The following RUNDC3B variants were observed in gnomAD, a reference collection of about 807,000 sequenced individuals.
RUNDC3B encodes the protein RUN domain containing 3B, also known as RUN domain-containing protein 3B.
In RUNDC3B, 33 loss-of-function variants were observed where a neutral mutation model predicts 58.4. The ratio of observed to expected loss-of-function variants is 0.56; its 90% CI spans 0.43 to 0.75. RUNDC3B has a LOEUF of 0.75. RUNDC3B is among the 30% of genes least tolerant of loss of function. The pLI is 0.00. For synonymous variants in RUNDC3B, 193 were observed against 195.2 expected, an observed-to-expected ratio of 0.99 and a Z score of 0.10; for missense variants, 501 against 535.7, an observed-to-expected ratio of 0.94 and a Z score of 0.64.
At chr7:87,686,152 A>AT (rs1554465510) in intron 2 of RUNDC3B, among the ~76,000 whole-genome samples, 1 of 151,674 alleles carries the variant, frequency 6.6e-6, no homozygotes, top group African/African-American at 2.4e-5. Flanking sequence ...TCCACCCACA[A>AT]TTTTTTTTCT....
chr7:87,780,334 T>C (rs1394580729), intron 8 of RUNDC3B, among the ~76,000 whole-genome samples: 1 of 152,138 alleles, frequency 6.6e-6, no homozygotes, highest in East Asian at 1.9e-4. Flanking sequence ...GGTGTCAGAA[T>C]GGTTTTGATT....
At position 87,710,602 on chromosome 7, in the gene RUNDC3B, A is replaced by G; in HGVS notation, c.405A>G (p.Glu135=). ...CCTGGATCAGAGTAGCACTCATGGA[A>G]AAACATTTATCTGAATACATCTCTA... ...GRAWIRVALM[E]KHLSEYISTA... The change falls in exon 4 of 11, where the codon GAA becomes GAG. Residue 135 remains glutamate, a synonymous_variant. Transcript: ENST00000394654. 6.2e-7 allele frequency: 1 copy of G among 1,602,938 alleles called. No individual in the cohort carries two copies. The highest frequency in any genetic ancestry group is 8.5e-7 in the Non-Finnish European group (1 of 1,172,898).
intron 8 of RUNDC3B, among the ~76,000 whole-genome samples, chr7:87,779,070 C>T (rs867553466): frequency 2.4e-4 from 37 of 152,150 alleles, no homozygotes; most frequent in African/African-American, 8.4e-4. Context: ...CATTATGGTC[C>T]TTCATTTCTT....
At chr7:87,660,861 G>C (rs1824632162) in intron 2 of RUNDC3B, among the ~76,000 whole-genome samples, 1 of 151,794 alleles carries the variant, frequency 6.6e-6, no homozygotes, top group African/African-American at 2.4e-5. Flanking sequence ...CTGAAAATAG[G>C]AGATTTTACC....
intron 4 of RUNDC3B, among the ~76,000 whole-genome samples, chr7:87,739,509 A>G (rs1832185853): frequency 6.6e-6 from 1 of 152,046 alleles, no homozygotes; most frequent in African/African-American, 2.4e-5. Context: ...ACCCATTGAA[A>G]GACTCACTTG....
rs760397172 is a variant in RUNDC3B, at chr7:87,628,580, CGTGCGTGT to C, written c.-240_-233del. 84 of 292,790 alleles carry C rather than the reference CGTGCGTGT, an allele frequency of 2.9e-4. No homozygotes were observed. The highest frequency in any genetic ancestry group is 8.5e-4 in the Admixed American group (13 of 15,348). 18.1% of individuals were successfully genotyped at this position (292,790 alleles called of 1,614,324 possible). ...GCGCCGAGGGCGGAGGTGGTGCGTG[CGTGCGTGT>C]GTGTGTGTGTGTGTGTGTGTGTGTG... On this transcript the variant is annotated 5_prime_UTR_variant, in exon 1 of 11. Coordinates refer to ENST00000394654, the MANE Select transcript of RUNDC3B (RefSeq NM_001134405.2).
intron 8 of RUNDC3B, among the ~76,000 whole-genome samples, chr7:87,794,569 A>T (rs1033115496): frequency 2.6e-5 from 4 of 152,228 alleles, no homozygotes; most frequent in Admixed American, 2.6e-4. Context: ...TACCCAAAGA[A>T]ATCTACAGAT....
intron 8 of RUNDC3B, among the ~76,000 whole-genome samples, 196 bp from the exon 9 acceptor site, chr7:87,807,177 G>GA (rs1165700423): frequency 4.0e-5 from 6 of 151,724 alleles, no homozygotes; most frequent in Admixed American, 3.9e-4. Flanking sequence ...GTAACCAGCG[G>GA]AAAAAAAATG....
chr7:87,828,515 C>T (rs1348857272), intron 10 of RUNDC3B, among the ~76,000 whole-genome samples: 1 of 152,146 alleles, frequency 6.6e-6, no homozygotes, highest in East Asian at 1.9e-4. Context: ...AAGATAATGG[C>T]CTCTAGTTTC....
At position 87,803,697 on chromosome 7, in the gene RUNDC3B, T is replaced by A. The variant is rs1471557092; in HGVS notation, c.957-3676T>A. 1.3e-5 allele frequency among the ~76,000 whole-genome samples: 2 copies of A among 152,198 alleles called. 1 individual carries two copies. The highest frequency in any genetic ancestry group is 1.3e-4 in the Admixed American group (2 of 15,282). On this transcript the variant is annotated intron_variant, in intron 8 of 10. Coordinates refer to ENST00000394654, the MANE Select transcript of RUNDC3B (RefSeq NM_001134405.2). ...TTTTAGATGATTGCTTCTTCACGTA[T>A]TTTAAGTGTGTCCTCCACTGCCTAC...
chr7:87,694,143 A>T, intron 2 of RUNDC3B: 1 of 588,420 alleles, frequency 1.7e-6, no homozygotes, highest in Non-Finnish European at 2.1e-6. Flanking sequence ...GCTTATGCTA[A>T]TTTTAAAATT....
intron 4 of RUNDC3B, among the ~76,000 whole-genome samples, chr7:87,717,924 G>T (rs1210212102): frequency 6.6e-6 from 1 of 152,028 alleles, no homozygotes; most frequent in African/African-American, 2.4e-5. Flanking sequence ...TATTAATATT[G>T]ATTGAAATGT....
At chr7:87,709,439 T>C in intron 3 of RUNDC3B, 2 of 985,344 alleles carry the variant, frequency 2.0e-6, no homozygotes, top group African/African-American at 1.7e-5. Context: ...TAACTGCAGG[T>C]TCCCCTAGGC....
At chr7:87,714,235 A>G (rs999872978) in intron 4 of RUNDC3B, among the ~76,000 whole-genome samples, 3 of 152,170 alleles carry the variant, frequency 2.0e-5, no homozygotes, top group Admixed American at 1.3e-4. Context: ...AGGTTGAGAA[A>G]TAATAGACAC....
rs549062637 is a variant in RUNDC3B at position 87,789,583 on chromosome 7, T to A, written c.956+11628T>A. 5.8e-4 allele frequency among the ~76,000 whole-genome samples: 89 copies of A among 152,324 alleles called. No individual in the cohort carries two copies. In the Middle Eastern group the frequency reaches 0.01, roughly 17 times the overall value. On this transcript the variant is annotated intron_variant, in intron 8 of 10. Coordinates refer to ENST00000394654, the MANE Select transcript of RUNDC3B (RefSeq NM_001134405.2). ...GTCATGTATACATTTTGGCAGGTAA[T>A]AATTCTAATTAAAATTTAAAATTAA...
At chr7:87,734,996 T>C (rs1404269750) in intron 4 of RUNDC3B, among the ~76,000 whole-genome samples, 2 of 152,210 alleles carry the variant, frequency 1.3e-5, no homozygotes, top group Non-Finnish European at 2.9e-5. Flanking sequence ...CATTTTTCTC[T>C]GTATTCTCTC....
intron 2 of RUNDC3B, among the ~76,000 whole-genome samples, chr7:87,668,050 A>G (rs971286723): frequency 2.0e-5 from 3 of 151,746 alleles, no homozygotes; most frequent in Admixed American, 1.3e-4. Flanking sequence ...GAATTATTTC[A>G]GTAGAAATGG....
intron 1 of RUNDC3B, among the ~76,000 whole-genome samples, chr7:87,646,548 T>C (rs1453187273): frequency 1.3e-5 from 2 of 152,196 alleles, no homozygotes; most frequent in African/African-American, 4.8e-5. Flanking sequence ...GCAGTGTGGA[T>C]GCAGAGTTAG....
chr7:87,699,211 TA>T (rs1828784017), intron 2 of RUNDC3B, among the ~76,000 whole-genome samples: 1 of 151,932 alleles, frequency 6.6e-6, no homozygotes, highest in African/African-American at 2.4e-5. Context: ...TTAAAGTAAA[TA>T]ATTAAATCAT....
Sources: gnomAD v4.1 joint callset for allele counts (sites outside exome capture counted in the v4.1 genomes callset) on GRCh38, gnomAD v4.1.1 for gene constraint, MANE v1.5 for transcripts, NCBI Gene and HGNC (gene_info 2026-07-23, HGNC 2026-07-21) for gene names.